AGPAT4: variants seen among roughly 807,000 people sequenced by gnomAD.
AGPAT4 encodes 1-acylglycerol-3-phosphate O-acyltransferase 4.
Under a neutral mutation model 48.0 loss-of-function variants are expected in AGPAT4, and 15 were observed. That is an observed-to-expected ratio of 0.31 (90% CI 0.21 to 0.48). The LOEUF is 0.48. Ranked by LOEUF, AGPAT4 falls within the 20% of genes least tolerant of loss-of-function variation. The probability of loss-of-function intolerance (pLI) is 0.99; values close to 1 mark genes in which losing one functional copy is unlikely to be tolerated. For missense variants in AGPAT4, 314 were observed against 482.5 expected, an observed-to-expected ratio of 0.65 and a Z score of 3.27; for synonymous variants, 178 against 198.7, an observed-to-expected ratio of 0.90 and a Z score of 0.88.
At chr6:161,269,434 A>G (rs546944705) in intron 1 of AGPAT4, among the ~76,000 whole-genome samples, 41 of 152,354 alleles carry the variant, frequency 2.7e-4, no homozygotes, top group East Asian at 1.2e-3. Context: ...AAATTGTTCA[A>G]TGAAAGAAGT....
At chr6:161,157,274 A>C (rs1431685446) in intron 3 of AGPAT4, among the ~76,000 whole-genome samples, 1 of 152,226 alleles carries the variant, frequency 6.6e-6, no homozygotes. Context: ...TGCTTTCGCC[A>C]TCTGCTTTGG....
rs1407799435 is a variant in AGPAT4 at position 161,266,980 on chromosome 6, T to C, written c.-90+6958A>G. On this transcript the variant is annotated intron_variant, in intron 1 of 8. Transcript: ENST00000320285. The surrounding 1 kb of genome is among the most constrained non-coding windows in gnomAD (Gnocchi z 6.2). ...CTGGCAGGGTCTTTGCAGATAATAA[T>C]CTGCCTTTAAACCCCGTGGTGGATT... Among the ~76,000 whole-genome samples, 2 of 152,166 alleles carry C rather than the reference T, an allele frequency of 1.3e-5. No individual in the cohort carries two copies. Among genetic ancestry groups the C allele is most frequent in the African/African-American group, 4.8e-5 (2 of 41,432 alleles).
chr6:161,130,629 T>G lies in AGPAT4; in HGVS notation c.*5911A>C. 3.7e-6 allele frequency: 1 copy of G among 268,784 alleles called. No individual in the cohort carries two copies. The highest frequency in any genetic ancestry group is 4.1e-5 in the South Asian group (1 of 24,588). The allele number at this position is 268,784 out of a possible 1,614,324, so 16.6% of individuals were successfully genotyped here. ...CTTGCCCATGGTTAGATCTCTTTCCTTGATAGAACAAGCAAAAGAGGGGCT... is the reference window on the plus strand; with the variant it reads ...CTTGCCCATGGTTAGATCTCTTTCCGTGATAGAACAAGCAAAAGAGGGGCT... On this transcript the variant is annotated 3_prime_UTR_variant, in exon 9 of 9. Transcript: ENST00000320285.
chr6:161,263,477 C>T (rs905576364), intron 1 of AGPAT4, among the ~76,000 whole-genome samples: 6 of 152,030 alleles, frequency 3.9e-5, no homozygotes, highest in East Asian at 1.9e-4. Context: ...GACAACAGAG[C>T]GAGACTCTCT....
Position 161,141,874 on chromosome 6 carries a change from A to G in AGPAT4, c.844-2254T>C, listed in dbSNP as rs892661963. Reference sequence around the variant, plus strand: ...CAGAACTTCCCATTCACTTTATTTTATTTTTTGAGACAGAGTCTCACTCTG... The same window carrying G: ...CAGAACTTCCCATTCACTTTATTTTGTTTTTTGAGACAGAGTCTCACTCTG... On this transcript the variant is annotated intron_variant, in intron 7 of 8. Transcript: ENST00000320285. This position sits in a 1 kb window ranked among gnomAD's most constrained non-coding sequence, Gnocchi z 6.7. 6.6e-6 allele frequency among the ~76,000 whole-genome samples: 1 copy of G among 151,868 alleles called. No homozygotes were observed. The highest frequency in any genetic ancestry group is 1.5e-5 in the Non-Finnish European group (1 of 67,936).
At chr6:161,182,312 A>G (rs1369517438) in intron 2 of AGPAT4, among the ~76,000 whole-genome samples, 8 of 125,022 alleles carry the variant, frequency 6.4e-5, no homozygotes, top group Non-Finnish European at 1.3e-4. Context: ...CTATCCCCTC[A>G]CCCCAGCCCT....
rs1461850216 is a variant in AGPAT4, at chr6:161,180,526, T to C, written c.179-14109A>G. 6.6e-6 allele frequency among the ~76,000 whole-genome samples: 1 copy of C among 152,242 alleles called. No homozygotes were observed. Among genetic ancestry groups the C allele is most frequent in the African/African-American group, 2.4e-5 (1 of 41,460 alleles). On this transcript the variant is annotated intron_variant, in intron 2 of 8. Coordinates refer to ENST00000320285, the MANE Select transcript of AGPAT4 (RefSeq NM_020133.3). The surrounding 1 kb of genome is among the most constrained non-coding windows in gnomAD (Gnocchi z 6.4). Reference sequence around the variant, plus strand: ...CAACTTTAACAATTATATAATTACATAGGTGATTGCTATGAAATATAACAA... The same window carrying C: ...CAACTTTAACAATTATATAATTACACAGGTGATTGCTATGAAATATAACAA...
intron 2 of AGPAT4, among the ~76,000 whole-genome samples, chr6:161,175,613 G>A (rs1210056060): frequency 6.6e-6 from 1 of 151,826 alleles, no homozygotes; most frequent in Non-Finnish European, 1.5e-5. Context: ...ATTTTTTTAA[G>A]GGTTTTTTGT....
rs1781950195 is a variant in AGPAT4 at position 161,225,416 on chromosome 6, G to A, written c.178+6620C>T. 6.6e-6 allele frequency among the ~76,000 whole-genome samples: 1 copy of A among 152,180 alleles called. No homozygotes were observed. Among genetic ancestry groups the A allele is most frequent in the Non-Finnish European group, 1.5e-5 (1 of 68,036 alleles). On this transcript the variant is annotated intron_variant, in intron 2 of 8. Transcript: ENST00000320285. This position sits in a 1 kb window ranked among gnomAD's most constrained non-coding sequence, Gnocchi z 5.0. ...TCACCATTGCTCCATCTGTAAGGGT[G>A]CACCCTTCTATAGAAGTAACTTGCC...
rs1782148145 is a variant in AGPAT4, at chr6:161,232,489, A to G, written c.-89-187T>C. Among the ~76,000 whole-genome samples the G allele has an allele frequency of 6.6e-6, 1 of 152,188 alleles. No homozygotes were observed. The highest frequency in any genetic ancestry group is 1.5e-5 in the Non-Finnish European group (1 of 68,038). ...TCGAGCATAGTCTAAGCCCTTTAAC[A>G]ATAATCCTTCCTTTAATTCTCCCAA... On this transcript the variant is annotated intron_variant, in intron 1 of 8. Transcript: ENST00000320285. This position sits in a 1 kb window ranked among gnomAD's most constrained non-coding sequence, Gnocchi z 6.8.
chr6:161,163,012 C>T lies in AGPAT4; in HGVS notation c.348+3236G>A, dbSNP rs1340329845. Among the ~76,000 whole-genome samples, 6 of 152,250 alleles carry T rather than the reference C, an allele frequency of 3.9e-5. No homozygotes were observed. The South Asian group carries it at 6.2e-4, about 16-fold the overall frequency. On this transcript the variant is annotated intron_variant, in intron 3 of 8. Transcript: ENST00000320285. ...CGTGTGACTCCAAGATCAACCAAAG[C>T]CTTCAGAGCCCTGGCACATGCCAGG...
intron 2 of AGPAT4, among the ~76,000 whole-genome samples, chr6:161,209,993 A>G (rs572926958): frequency 2.0e-5 from 3 of 152,310 alleles, no homozygotes; most frequent in Non-Finnish European, 2.9e-5. Flanking sequence ...TTTAAGGAAG[A>G]GTATGGTTTA....
In AGPAT4 at chr6:161,264,167, ATTGGAAAGTGACCTTC is replaced by A. The variant is rs1299828497; in HGVS notation, c.-90+9755_-90+9770del. On this transcript the variant is annotated intron_variant, in intron 1 of 8. Coordinates refer to ENST00000320285, the MANE Select transcript of AGPAT4 (RefSeq NM_020133.3). The surrounding 1 kb of genome is among the most constrained non-coding windows in gnomAD (Gnocchi z 6.8). ...TAAGTGACCATTTGGGAAGAATATG[ATTGGAAAGTGACCTTC>A]TTTCTCCCTATATTTACTATCTCAG... 6.6e-6 allele frequency among the ~76,000 whole-genome samples: 1 copy of A among 152,194 alleles called. No individual in the cohort carries two copies. The highest frequency in any genetic ancestry group is 1.5e-5 in the Non-Finnish European group (1 of 68,042).
At chr6:161,257,715 A>C in intron 1 of AGPAT4, among the ~76,000 whole-genome samples, 1 of 152,226 alleles carries the variant, frequency 6.6e-6, no homozygotes, top group South Asian at 2.1e-4. Flanking sequence ...GAAATTAAAA[A>C]GGAATGTGGA....
rs1583327175 is a variant in AGPAT4 at position 161,204,370 on chromosome 6, A to T, written c.178+27666T>A. Reference sequence around the variant, plus strand: ...CTCAAAATTTCTTTCAAACTGAACCAGTGCCTTATTGTTTTATTGGATTTA... The same window carrying T: ...CTCAAAATTTCTTTCAAACTGAACCTGTGCCTTATTGTTTTATTGGATTTA... On this transcript the variant is annotated intron_variant, in intron 2 of 8. Coordinates refer to ENST00000320285, the MANE Select transcript of AGPAT4 (RefSeq NM_020133.3). The surrounding 1 kb of genome is among the most constrained non-coding windows in gnomAD (Gnocchi z 4.4). 6.6e-6 allele frequency among the ~76,000 whole-genome samples: 1 copy of T among 152,302 alleles called. No homozygotes were observed. The highest frequency in any genetic ancestry group is 2.4e-5 in the African/African-American group (1 of 41,564).
In AGPAT4 at chr6:161,219,688, T is replaced by C. The variant is rs1781750693; in HGVS notation, c.178+12348A>G. 6.6e-6 allele frequency among the ~76,000 whole-genome samples: 1 copy of C among 152,216 alleles called. No homozygotes were observed. Among genetic ancestry groups the C allele is most frequent in the Non-Finnish European group, 1.5e-5 (1 of 68,034 alleles). On this transcript the variant is annotated intron_variant, in intron 2 of 8. Coordinates refer to ENST00000320285, the MANE Select transcript of AGPAT4 (RefSeq NM_020133.3). The surrounding 1 kb of genome is among the most constrained non-coding windows in gnomAD (Gnocchi z 4.9). ...CCAAGCATCCATTCATACAATTCAG[T>C]ATCACATGTGTATTCCTAAACTTGC...
chr6:161,253,671 T>C (rs1218385938), intron 1 of AGPAT4, among the ~76,000 whole-genome samples: 2 of 152,180 alleles, frequency 1.3e-5, no homozygotes, highest in Non-Finnish European at 2.9e-5. Flanking sequence ...AAGATTGAAA[T>C]TCATGTTTCC....
rs1241904438 is a variant in AGPAT4 at position 161,158,847 on chromosome 6, A to ATCCTGC, written c.349-4543_349-4538dup. 6.6e-6 allele frequency among the ~76,000 whole-genome samples: 1 copy of ATCCTGC among 152,164 alleles called. No individual in the cohort carries two copies. The highest frequency in any genetic ancestry group is 2.4e-5 in the African/African-American group (1 of 41,454). ...GCAGCATGGCTGGGAGCAGCAGGGT[A>ATCCTGC]TCCTGCTCCTGCACCGCCTCCACCC... is the stretch of plus-strand genomic sequence containing the variant. On this transcript the variant is annotated intron_variant, in intron 3 of 8. Transcript: ENST00000320285. This position sits in a 1 kb window ranked among gnomAD's most constrained non-coding sequence, Gnocchi z 5.3.
At position 161,245,824 on chromosome 6, in the gene AGPAT4, T is replaced by C. The variant is rs949337354; in HGVS notation, c.-89-13522A>G. ...GATTTTAAATCTCTCATTTCTTTGA[T>C]TTTCATAAAGGATGCCAAATGAACC... On this transcript the variant is annotated intron_variant, in intron 1 of 8. Coordinates refer to ENST00000320285, the MANE Select transcript of AGPAT4 (RefSeq NM_020133.3). The surrounding 1 kb of genome is among the most constrained non-coding windows in gnomAD (Gnocchi z 5.2). 2.0e-5 allele frequency among the ~76,000 whole-genome samples: 3 copies of C among 152,178 alleles called. No homozygotes were observed. The highest frequency in any genetic ancestry group is 7.2e-5 in the African/African-American group (3 of 41,436).
Sources: allele counts gnomAD v4.1 joint callset (sites outside exome capture counted in the v4.1 genomes callset), GRCh38; gene constraint gnomAD v4.1.1; non-coding constraint Gnocchi (gnomAD v3.1); transcripts MANE v1.5; gene names NCBI Gene and HGNC (gene_info 2026-07-23, HGNC 2026-07-21).